The following PGM3 variants were observed in gnomAD, a reference collection of about 807,000 sequenced individuals.
The protein encoded by PGM3 is phosphoacetylglucosamine mutase.
A neutral mutation model predicts 66.2 loss-of-function variants in PGM3; 40 were observed. That is an observed-to-expected ratio of 0.60 (90% CI 0.47 to 0.79). The LOEUF (loss-of-function observed/expected upper bound fraction) is 0.79. Ranked by LOEUF, PGM3 falls within the 30% of genes least tolerant of loss-of-function variation. PGM3 has a pLI of 0.00. For missense variants in PGM3, 537 were observed against 643.4 expected, an observed-to-expected ratio of 0.83 and a Z score of 1.79; for synonymous variants, 191 against 224.2, an observed-to-expected ratio of 0.85 and a Z score of 1.32.
chr6:83,177,945 T>G (rs1787901998), intron 8 of PGM3, among the ~76,000 whole-genome samples: 1 of 152,156 alleles, frequency 6.6e-6, no homozygotes. Context: ...CCCTGCTCCT[T>G]GGCTATAAAG....
chr6:83,152,181 A>G, the PGM3 span: 1 of 748,290 alleles, frequency 1.3e-6, no homozygotes, highest in Non-Finnish European at 2.0e-6. Context: ...ATATATACAT[A>G]TACATATATA....
intron 9 of PGM3, among the ~76,000 whole-genome samples, chr6:83,175,166 CACA>C (rs1583266772): frequency 6.6e-6 from 1 of 152,142 alleles, no homozygotes; most frequent in African/African-American, 2.4e-5. Flanking sequence ...TTTACTGGAA[CACA>C]ACCACACAGA....
rs1786834896 is a variant in PGM3, at chr6:83,170,293, A to G, written c.1539+12T>C. On this transcript the variant is annotated intron_variant, in intron 12 of 12. Transcript: ENST00000513973. ...TATTAGGCTCTTTTTCAATAGAACTATCCCAGCTTACTTGTGAGTCTGCTT... is the reference window on the plus strand; with the variant it reads ...TATTAGGCTCTTTTTCAATAGAACTGTCCCAGCTTACTTGTGAGTCTGCTT... The G allele has an allele frequency of 6.2e-7, 1 of 1,613,654 alleles. No homozygotes were observed. Among genetic ancestry groups the G allele is most frequent in the African/African-American group, 1.3e-5 (1 of 75,042 alleles).
chr6:83,181,304 A>G (rs912859150), intron 6 of PGM3, among the ~76,000 whole-genome samples: 3 of 152,116 alleles, frequency 2.0e-5, no homozygotes, highest in Non-Finnish European at 4.4e-5. Flanking sequence ...GTGATTCTCA[A>G]AAAGGGATCC....
chr6:83,156,160 A>T (rs1427100401), downstream of PGM3: 9 of 1,416,050 alleles, frequency 6.4e-6, no homozygotes, highest in Non-Finnish European at 8.7e-6. Flanking sequence ...GGTTCCTTAG[A>T]AAATACTTCT....
At chr6:83,177,059 A>G (rs1055511289) in intron 8 of PGM3, among the ~76,000 whole-genome samples, 16 of 152,302 alleles carry the variant, frequency 1.1e-4, no homozygotes, top group Non-Finnish European at 1.8e-4. Context: ...GGAACATCAC[A>G]TGAAAATTCA....
chr6:83,151,379 G>A, the PGM3 span, among the ~76,000 whole-genome samples: 1 of 152,078 alleles, frequency 6.6e-6, no homozygotes, highest in East Asian at 1.9e-4. Context: ...CCACTTTGGG[G>A]CTCTTACAAA....
At chr6:83,152,341 G>A in the PGM3 span, 1 of 1,552,242 alleles carries the variant, frequency 6.4e-7, no homozygotes, top group Non-Finnish European at 8.7e-7. Flanking sequence ...TGTATATAGT[G>A]TCCATGCATT....
chr6:83,190,690 A>G (rs912786511), intron 2 of PGM3, 119 bp downstream of exon 2: 1 of 784,000 alleles, frequency 1.3e-6, no homozygotes, highest in East Asian at 2.5e-5. Context: ...TCCAAAGCAC[A>G]TATAAATGAG....
At chr6:83,182,541 C>G (rs1185714208) in intron 5 of PGM3, among the ~76,000 whole-genome samples, 1 of 152,102 alleles carries the variant, frequency 6.6e-6, no homozygotes, top group African/African-American at 2.4e-5. Flanking sequence ...CCAACAGCAC[C>G]TACATTAACT....
downstream of PGM3, among the ~76,000 whole-genome samples, chr6:83,157,655 G>A (rs1476386016): frequency 1.3e-5 from 2 of 152,178 alleles, no homozygotes; most frequent in African/African-American, 2.4e-5. Context: ...TACAATAGCT[G>A]TAGCAATACC....
chr6:83,175,821 T>C, intron 9 of PGM3, 141 bp downstream of exon 9: 1 of 578,220 alleles, frequency 1.7e-6, no homozygotes, highest in Non-Finnish European at 3.1e-6. Context: ...TACATCAATA[T>C]ATAAGATAAC....
At chr6:83,154,044 G>GT in the PGM3 span, 3 of 1,613,824 alleles carry the variant, frequency 1.9e-6, no homozygotes, top group Non-Finnish European at 2.5e-6. Flanking sequence ...GTGTTAATCA[G>GT]TAAGTTGCCC....
At chr6:83,159,887 C>T (rs559111034), downstream of PGM3, 1 of 1,614,106 alleles carries the variant, frequency 6.2e-7, no homozygotes, top group East Asian at 2.2e-5. Flanking sequence ...GTGGTTAAAC[C>T]TCTATCTCTC....
Position 83,182,901 on chromosome 6 carries a change from T to C in PGM3, c.535A>G (p.Thr179Ala), listed in dbSNP as rs1788290498. The C allele has an allele frequency of 1.2e-6, 2 of 1,614,116 alleles. No individual in the cohort carries two copies. The highest frequency in any genetic ancestry group is 1.7e-6 in the Non-Finnish European group (2 of 1,179,940). The change falls in exon 5 of 13, where the codon ACT (threonine) becomes GCT (alanine). Residue 179 changes from threonine to alanine, a missense_variant. Physicochemically the swap from Thr to Ala is moderately conservative, Grantham distance 58. Transcript: ENST00000513973. The part of the protein sequence containing the change: ...RNTGGRYGKA[T>A]IEGYYQKLSK... The stretch of plus-strand genomic sequence containing the variant: ...AGTTTCTGGTAGTAACCTTCTATAG[T>C]TGCCTTTCCATATCGGCCACCCGTG...
At chr6:83,153,829 T>G in the PGM3 span, 4 of 1,498,160 alleles carry the variant, frequency 2.7e-6, no homozygotes, top group Non-Finnish European at 3.6e-6. Context: ...TGAACATTTA[T>G]GTATAACTTG....
At chr6:83,153,401 A>G in the PGM3 span, 3 of 596,054 alleles carry the variant, frequency 5.0e-6, no homozygotes, top group Non-Finnish European at 5.5e-6. Flanking sequence ...TTAATTTTAG[A>G]TTTTTCTAAT....
At chr6:83,179,247 G>A (rs969264143) in intron 7 of PGM3, among the ~76,000 whole-genome samples, 3 of 151,242 alleles carry the variant, frequency 2.0e-5, no homozygotes, top group Non-Finnish European at 4.4e-5. Flanking sequence ...GGGAGGCAGA[G>A]GTTGCAATGA....
downstream of PGM3, chr6:83,163,004 T>C: frequency 1.4e-6 from 2 of 1,417,862 alleles, no homozygotes; most frequent in Non-Finnish European, 1.9e-6. Context: ...CCTGGGAAAC[T>C]GAGAACGTTA....
Sources: allele counts gnomAD v4.1 joint callset (sites outside exome capture counted in the v4.1 genomes callset), GRCh38; gene constraint gnomAD v4.1.1; transcripts MANE v1.5; gene names NCBI Gene and HGNC (gene_info 2026-07-23, HGNC 2026-07-21).